The following KHDRBS2 variants were observed in gnomAD, a reference collection of about 807,000 sequenced individuals.
The protein encoded by KHDRBS2 is KH domain-containing, RNA-binding, signal transduction-associated protein 2.
Under a neutral mutation model 44.3 loss-of-function variants are expected in KHDRBS2, and 26 were observed. That is an observed-to-expected ratio of 0.59 (90% CI 0.43 to 0.81). The LOEUF (loss-of-function observed/expected upper bound fraction) is 0.81. KHDRBS2 is among the 40% of genes least tolerant of loss of function. KHDRBS2 has a pLI of 0.00. For missense variants in KHDRBS2, 476 were observed against 433.1 expected (o/e 1.10, Z -0.88); for synonymous variants, 194 against 151.1 (o/e 1.28, Z -2.08).
chr6:61,773,625 T>C (rs1781394224), intron 6 of KHDRBS2, among the ~76,000 whole-genome samples: 1 of 149,166 alleles, frequency 6.7e-6, no homozygotes, highest in Non-Finnish European at 1.5e-5. Flanking sequence ...TTTCTTTTGC[T>C]GTGCAGAAGC....
At chr6:61,693,215 A>G (rs190758211) in intron 8 of KHDRBS2, among the ~76,000 whole-genome samples, 2 of 152,268 alleles carry the variant, frequency 1.3e-5, no homozygotes, top group Admixed American at 1.3e-4. Context: ...ATCACTGCTC[A>G]TCATCTGTAT....
chr6:62,012,250 T>A (rs1780438611), intron 3 of KHDRBS2, among the ~76,000 whole-genome samples: 1 of 152,154 alleles, frequency 6.6e-6, no homozygotes, highest in African/African-American at 2.4e-5. Flanking sequence ...TATCAGTAAG[T>A]CCTGCAGATT....
At chr6:61,726,819 T>A (rs2127558318) in intron 7 of KHDRBS2, among the ~76,000 whole-genome samples, 1 of 152,230 alleles carries the variant, frequency 6.6e-6, no homozygotes, top group Admixed American at 6.5e-5. Flanking sequence ...ATAGGAAGAA[T>A]CAATATCATG....
intron 4 of KHDRBS2, among the ~76,000 whole-genome samples, chr6:61,947,391 A>T (rs995559170): frequency 6.6e-6 from 1 of 152,194 alleles, no homozygotes; most frequent in African/African-American, 2.4e-5. Context: ...ATTTTCATAG[A>T]TCCAGTTCCT....
rs527586519 is a variant in KHDRBS2, at chr6:62,101,135, G to A, written c.220-53141C>T. 2.6e-5 allele frequency among the ~76,000 whole-genome samples: 4 copies of A among 152,218 alleles called. No individual in the cohort carries two copies. In the South Asian group the frequency reaches 8.3e-4, roughly 32 times the overall value. On this transcript the variant is annotated intron_variant, in intron 2 of 8. Coordinates refer to ENST00000281156, the MANE Select transcript of KHDRBS2 (RefSeq NM_152688.4). ...GGCAGTTGTTTTTTATTTATAATATGAAGAGAATAAAACACGCAAGGTATG... is the reference window on the plus strand; with the variant it reads ...GGCAGTTGTTTTTTATTTATAATATAAAGAGAATAAAACACGCAAGGTATG...
chr6:62,229,588 G>A (rs1291786516), intron 1 of KHDRBS2, among the ~76,000 whole-genome samples: 1 of 152,210 alleles, frequency 6.6e-6, no homozygotes, highest in African/African-American at 2.4e-5. Context: ...TGGCTATTGA[G>A]AATCTGTGCA....
the KHDRBS2 span, among the ~76,000 whole-genome samples, chr6:61,568,450 C>G: frequency 6.6e-6 from 1 of 152,072 alleles, no homozygotes; most frequent in Non-Finnish European, 1.5e-5. Flanking sequence ...CTTGGATGAA[C>G]AGAACAGCAT....
intron 6 of KHDRBS2, among the ~76,000 whole-genome samples, chr6:61,841,999 C>T (rs1447641762): frequency 2.0e-5 from 3 of 152,140 alleles, no homozygotes; most frequent in African/African-American, 4.8e-5. Flanking sequence ...GTTCCTTCCT[C>T]AGTGAACTGA....
chr6:61,552,306 G>A, the KHDRBS2 span, among the ~76,000 whole-genome samples: 89 of 149,672 alleles, frequency 5.9e-4, 4 homozygotes, highest in South Asian at 0.019. Flanking sequence ...TGATTTGGCT[G>A]CCAACTTGGA....
rs1766217519 is a variant in KHDRBS2, at chr6:61,680,864, A to T, written c.*99T>A. On this transcript the variant is annotated 3_prime_UTR_variant, in exon 9 of 9. Coordinates refer to ENST00000281156, the MANE Select transcript of KHDRBS2 (RefSeq NM_152688.4). Reference sequence around the variant, plus strand: ...GCAGTTATCCCTAGAATAGAAACAAACAAACAAAAAAAGGACTATTACTTG... The same window carrying T: ...GCAGTTATCCCTAGAATAGAAACAATCAAACAAAAAAAGGACTATTACTTG... The T allele has an allele frequency of 4.3e-6, 3 of 702,354 alleles. No individual in the cohort carries two copies. The South Asian group carries it at 5.4e-5, about 13-fold the overall frequency. The allele number at this position is 702,354 out of a possible 1,614,324, so 43.5% of individuals were successfully genotyped here. A position where few individuals can be genotyped will look rare whatever the true frequency, so the allele number is the denominator to read the frequency against.
chr6:61,658,960 T>C, the KHDRBS2 span, among the ~76,000 whole-genome samples: 6 of 152,028 alleles, frequency 3.9e-5, no homozygotes, highest in African/African-American at 9.6e-5. Flanking sequence ...TGTTTTTATA[T>C]TGATATTCTT....
intron 1 of KHDRBS2, among the ~76,000 whole-genome samples, chr6:62,260,013 C>T (rs1838073724): frequency 6.6e-6 from 1 of 151,928 alleles, no homozygotes; most frequent in Non-Finnish European, 1.5e-5. Flanking sequence ...TCTTCCACTG[C>T]TGTCAGGAAG....
intron 1 of KHDRBS2, among the ~76,000 whole-genome samples, chr6:62,279,079 G>C (rs1023038931): frequency 6.6e-6 from 1 of 152,014 alleles, no homozygotes; most frequent in African/African-American, 2.4e-5. Flanking sequence ...GGGTGACAGA[G>C]CCAGACTCCA....
At chr6:62,211,094 G>GA (rs1441882149) in intron 1 of KHDRBS2, among the ~76,000 whole-genome samples, 2 of 151,854 alleles carry the variant, frequency 1.3e-5, no homozygotes, top group African/African-American at 2.4e-5. Flanking sequence ...CAATACACCA[G>GA]AAAAAACAAG....
intron 6 of KHDRBS2, among the ~76,000 whole-genome samples, chr6:61,824,275 T>A (rs1363676928): frequency 1.3e-5 from 2 of 152,020 alleles, no homozygotes; most frequent in Admixed American, 1.3e-4. Context: ...ATGAAGGTGT[T>A]TTTCTAATGG....
At chr6:62,176,318 C>T (rs994810259) in intron 2 of KHDRBS2, among the ~76,000 whole-genome samples, 8 of 151,308 alleles carry the variant, frequency 5.3e-5, no homozygotes, top group Non-Finnish European at 1.2e-4. Context: ...TTATGGTTTG[C>T]TGGGCTTTAA....
At chr6:61,721,102 T>C (rs1212866266) in intron 7 of KHDRBS2, among the ~76,000 whole-genome samples, 1 of 151,926 alleles carries the variant, frequency 6.6e-6, no homozygotes, top group Non-Finnish European at 1.5e-5. Flanking sequence ...TATGCGGCAT[T>C]ATTTCTGAGG....
chr6:61,820,302 A>C (rs1353411959), intron 6 of KHDRBS2, among the ~76,000 whole-genome samples: 1 of 152,050 alleles, frequency 6.6e-6, no homozygotes, highest in African/African-American at 2.4e-5. Flanking sequence ...ATGGATGGGG[A>C]CATTCAGGAT....
the KHDRBS2 span, among the ~76,000 whole-genome samples, chr6:61,556,405 A>G: frequency 1.3e-5 from 2 of 152,230 alleles, no homozygotes; most frequent in East Asian, 1.9e-4. Flanking sequence ...AGTCAAGCTT[A>G]TGGTGACAAA....
Sources: allele counts gnomAD v4.1 joint callset (sites outside exome capture counted in the v4.1 genomes callset), GRCh38; gene constraint gnomAD v4.1.1; transcripts MANE v1.5; gene names NCBI Gene and HGNC (gene_info 2026-07-23, HGNC 2026-07-21).